Variants in KCNH8 observed in about 807,000 individuals in gnomAD.
KCNH8 encodes the protein potassium voltage-gated channel subfamily H member 8.
A neutral mutation model predicts 103.6 loss-of-function variants in KCNH8; 70 were observed. The observed-to-expected ratio is 0.68, with a 90% confidence interval of 0.56 to 0.82. The LOEUF is 0.82. Ranked by LOEUF, KCNH8 falls within the 40% of genes least tolerant of loss-of-function variation. KCNH8 has a pLI of 0.00. For missense variants in KCNH8, 1,217 were observed against 1,329.9 expected (o/e 0.92, Z 1.32); for synonymous variants, 498 against 489.4 (o/e 1.02, Z -0.23).
intron 11 of KCNH8, among the ~76,000 whole-genome samples, chr3:19,498,917 T>G (rs2125231152): frequency 6.6e-6 from 1 of 152,262 alleles, no homozygotes; most frequent in African/African-American, 2.4e-5. Flanking sequence ...AGGGACCCAC[T>G]TGAGGAGGCA....
At chr3:19,253,512 A>C (rs574071737) in intron 1 of KCNH8, 142 bp from the exon 2 acceptor site, 1 of 667,230 alleles carries the variant, frequency 1.5e-6, no homozygotes, top group East Asian at 2.6e-5. Flanking sequence ...TATGTTTTGG[A>C]GTGTCTCTTT....
At chr3:19,248,706 T>C (rs958987780) in intron 1 of KCNH8, among the ~76,000 whole-genome samples, 2 of 152,196 alleles carry the variant, frequency 1.3e-5, no homozygotes, top group African/African-American at 4.8e-5. Flanking sequence ...CTCTGAAAAG[T>C]GGGACAAGTA....
chr3:19,154,403 A>G (rs539415168), intron 1 of KCNH8, among the ~76,000 whole-genome samples: 2 of 152,314 alleles, frequency 1.3e-5, no homozygotes, highest in African/African-American at 2.4e-5. Flanking sequence ...TTTGGTTATA[A>G]TAAGCCATTG....
intron 3 of KCNH8, among the ~76,000 whole-genome samples, chr3:19,318,287 T>TTATTC (rs1317858569): frequency 6.6e-6 from 1 of 151,808 alleles, no homozygotes; most frequent in African/African-American, 2.4e-5. Flanking sequence ...TTATTTTATT[T>TTATTC]ATTTCAATAG....
At chr3:19,326,500 G>T (rs2065427226) in intron 3 of KCNH8, among the ~76,000 whole-genome samples, 1 of 151,664 alleles carries the variant, frequency 6.6e-6, no homozygotes, top group Non-Finnish European at 1.5e-5. Context: ...TCCTTTTTCT[G>T]AGTCAGGCTT....
At position 19,201,464 on chromosome 3, in the gene KCNH8, G is replaced by A. The variant is rs1224381294; in HGVS notation, c.77-52190G>A. On this transcript the variant is annotated intron_variant, in intron 1 of 15. Transcript: ENST00000328405. ...CAGCCTTCTCTCCTCCAAGGATGCT[G>A]TATGTCCGTTTTATACATAAGAAAA... Among the ~76,000 whole-genome samples, 4 of 152,022 alleles carry A rather than the reference G, an allele frequency of 2.6e-5. No homozygotes were observed. In the East Asian group the frequency reaches 7.8e-4, roughly 30 times the overall value.
intron 1 of KCNH8, among the ~76,000 whole-genome samples, chr3:19,151,442 G>A (rs552798072): frequency 4.2e-4 from 63 of 150,534 alleles, no homozygotes; most frequent in African/African-American, 1.5e-3. Context: ...TTTTATTTTG[G>A]ACAATTTTTA....
chr3:19,286,348 G>A (rs540429374), intron 3 of KCNH8, among the ~76,000 whole-genome samples: 3 of 152,336 alleles, frequency 2.0e-5, no homozygotes, highest in African/African-American at 7.2e-5. Flanking sequence ...TGACTCTTAT[G>A]AGAAGAGATT....
intron 2 of KCNH8, among the ~76,000 whole-genome samples, chr3:19,279,153 C>G (rs1363914080): frequency 6.6e-6 from 1 of 152,084 alleles, no homozygotes; most frequent in Admixed American, 6.6e-5. Context: ...AGCCTGATGG[C>G]TCTTTTTGTT....
At position 19,296,228 on chromosome 3, in the gene KCNH8, C is replaced by G. The variant is rs537439536; in HGVS notation, c.442+14899C>G. 2.0e-5 allele frequency among the ~76,000 whole-genome samples: 3 copies of G among 152,270 alleles called. No homozygotes were observed. The South Asian group carries it at 6.2e-4, about 32-fold the overall frequency. On this transcript the variant is annotated intron_variant, in intron 3 of 15. Coordinates refer to ENST00000328405, the MANE Select transcript of KCNH8 (RefSeq NM_144633.3). ...TAGCATTTAAATTTTATTTGATCTACTTCAAAAATACATCTTTGAGTTCAT... is the reference window on the plus strand; with the variant it reads ...TAGCATTTAAATTTTATTTGATCTAGTTCAAAAATACATCTTTGAGTTCAT...
chr3:19,511,704 CATTA>C (rs2068786247), intron 12 of KCNH8, among the ~76,000 whole-genome samples: 1 of 152,046 alleles, frequency 6.6e-6, no homozygotes. Context: ...ATGCCCTCGT[CATTA>C]ATTAAAATAA....
At chr3:19,459,550 T>C (rs192658963) in intron 11 of KCNH8, among the ~76,000 whole-genome samples, 2 of 152,110 alleles carry the variant, frequency 1.3e-5, no homozygotes, top group Admixed American at 1.3e-4. Context: ...ATTCTGTAGA[T>C]TGTCTCTTGA....
At chr3:19,314,608 C>A (rs979072592) in intron 3 of KCNH8, among the ~76,000 whole-genome samples, 4 of 151,898 alleles carry the variant, frequency 2.6e-5, no homozygotes, top group South Asian at 2.1e-4. Flanking sequence ...AAACAAAAAA[C>A]CCCACAGTAC....
chr3:19,348,844 A>G (rs2065761865), intron 5 of KCNH8, among the ~76,000 whole-genome samples: 1 of 152,108 alleles, frequency 6.6e-6, no homozygotes, highest in African/African-American at 2.4e-5. Flanking sequence ...TTCAAAGAAA[A>G]ATAAATAATT....
At chr3:19,244,886 T>TTTGCAAATAGC (rs2064184910) in intron 1 of KCNH8, among the ~76,000 whole-genome samples, 1 of 152,170 alleles carries the variant, frequency 6.6e-6, no homozygotes, top group Non-Finnish European at 1.5e-5. Flanking sequence ...AGATGCATAG[T>TTTGCAAATAGC]TTGCAAATAG....
intron 11 of KCNH8, among the ~76,000 whole-genome samples, chr3:19,479,490 T>C (rs2068044433): frequency 6.6e-6 from 1 of 152,094 alleles, no homozygotes; most frequent in African/African-American, 2.4e-5. Flanking sequence ...AAAAATCTCT[T>C]CTTTAGATTA....
chr3:19,293,103 A>G (rs1393977638), intron 3 of KCNH8, among the ~76,000 whole-genome samples: 1 of 152,196 alleles, frequency 6.6e-6, no homozygotes, highest in Admixed American at 6.5e-5. Context: ...TATTTTCTAT[A>G]TGCCAGACAT....
At chr3:19,366,796 A>G (rs1170842344) in intron 5 of KCNH8, among the ~76,000 whole-genome samples, 2 of 152,112 alleles carry the variant, frequency 1.3e-5, no homozygotes, top group African/African-American at 4.8e-5. Flanking sequence ...CGTCACTCCA[A>G]TAGTTTTAAG....
At chr3:19,425,332 T>A (rs577285407) in intron 7 of KCNH8, among the ~76,000 whole-genome samples, 1 of 152,322 alleles carries the variant, frequency 6.6e-6, no homozygotes, top group African/African-American at 2.4e-5. Flanking sequence ...CTTTAAACTC[T>A]TTCTGGTTGC....
Sources: allele counts gnomAD v4.1 joint callset (sites outside exome capture counted in the v4.1 genomes callset), GRCh38; gene constraint gnomAD v4.1.1; transcripts MANE v1.5; gene names NCBI Gene and HGNC (gene_info 2026-07-23, HGNC 2026-07-21).